The following RPS6KA5 variants were observed in gnomAD, a reference collection of about 807,000 sequenced individuals.
The protein encoded by RPS6KA5 is ribosomal protein S6 kinase A5.
Under a neutral mutation model 85.5 loss-of-function variants are expected in RPS6KA5, and 27 were observed. The observed-to-expected ratio is 0.32, with a 90% CI of 0.23 to 0.44. The LOEUF (loss-of-function observed/expected upper bound fraction) is 0.44. RPS6KA5 is among the 20% of genes least tolerant of loss of function. The pLI is 1.00. For synonymous variants in RPS6KA5, 334 were observed against 348.2 expected, an observed-to-expected ratio of 0.96 and a Z score of 0.46; for missense variants, 811 against 980.9, an observed-to-expected ratio of 0.83 and a Z score of 2.31.
At chr14:90,939,150 A>G (rs918840268) in intron 5 of RPS6KA5, among the ~76,000 whole-genome samples, 3 of 152,192 alleles carry the variant, frequency 2.0e-5, no homozygotes, top group African/African-American at 7.2e-5. Context: ...AGTTCCACAA[A>G]TCTCTAGGGC....
At chr14:91,053,963 C>G (rs1209024439) in intron 1 of RPS6KA5, among the ~76,000 whole-genome samples, 7 of 152,206 alleles carry the variant, frequency 4.6e-5, no homozygotes. Flanking sequence ...GTAGTCAAGA[C>G]AGCATGGTAC....
At chr14:90,906,101 T>C in intron 8 of RPS6KA5, 48 bp downstream of exon 8, 1 of 1,509,920 alleles carries the variant, frequency 6.6e-7, no homozygotes, top group Non-Finnish European at 9.0e-7. Context: ...CCAAGGACCC[T>C]GAAAACGGCA....
chr14:90,983,819 C>CTCTG (rs1214050810), intron 2 of RPS6KA5, among the ~76,000 whole-genome samples: 40 of 118,836 alleles, frequency 3.4e-4, no homozygotes, highest in Admixed American at 1.1e-3. Flanking sequence ...CTCTCTCTGT[C>CTCTG]TCTCTCTCTC....
rs144350073 is a variant in RPS6KA5, at chr14:91,057,657, A to G, written c.103+2675T>C. The stretch of plus-strand genomic sequence containing the variant: ...AGATAACAGCCAGGCAATGTGACAT[A>G]GGCTAAACACTAAATGAGTGATTTG... On this transcript the variant is annotated intron_variant, in intron 1 of 16. Transcript: ENST00000614987. 2.0e-5 allele frequency among the ~76,000 whole-genome samples: 3 copies of G among 152,356 alleles called. No homozygotes were observed. In the East Asian group the frequency reaches 5.8e-4, roughly 29 times the overall value.
chr14:90,999,529 A>T (rs150775349), intron 2 of RPS6KA5, among the ~76,000 whole-genome samples: 1 of 152,294 alleles, frequency 6.6e-6, no homozygotes, highest in Non-Finnish European at 1.5e-5. Context: ...GGGAAGAGTT[A>T]AAGGCCTCCT....
At chr14:90,947,572 C>T (rs1004018129) in intron 3 of RPS6KA5, 22 bp from the exon 4 acceptor site, 1 of 1,343,922 alleles carries the variant, frequency 7.4e-7, no homozygotes, top group Non-Finnish European at 1.1e-6. Flanking sequence ...ATACATTTTT[C>T]TTTCTTAAAC....
chr14:91,013,890 G>A (rs936412719), intron 1 of RPS6KA5, among the ~76,000 whole-genome samples: 9 of 152,176 alleles, frequency 5.9e-5, no homozygotes, highest in Non-Finnish European at 1.0e-4. Flanking sequence ...GGAGGAAGAC[G>A]TAAATTCCTC....
chr14:91,060,613 C>G lies in RPS6KA5; in HGVS notation c.-179G>C, dbSNP rs1352081094. 1 of 853,924 alleles carries G rather than the reference C, an allele frequency of 1.2e-6. No individual in the cohort carries two copies. Among genetic ancestry groups the G allele is most frequent in the Admixed American group, 4.4e-5 (1 of 22,654 alleles). The allele number at this position is 853,924 out of a possible 1,614,324, so 52.9% of individuals were successfully genotyped here. On this transcript the variant is annotated 5_prime_UTR_variant, in exon 1 of 17. Transcript: ENST00000614987. ...CCGCACGGCTCGCTCCTCGCCTCCTCCCCCTTCGGCGGGCACCGCTAGTAC... is the reference window on the plus strand; with the variant it reads ...CCGCACGGCTCGCTCCTCGCCTCCTGCCCCTTCGGCGGGCACCGCTAGTAC...
At chr14:91,037,115 T>C (rs1327700855) in intron 1 of RPS6KA5, among the ~76,000 whole-genome samples, 3 of 152,162 alleles carry the variant, frequency 2.0e-5, no homozygotes, top group Non-Finnish European at 4.4e-5. Flanking sequence ...AAAGAACTTA[T>C]CTTGAACTCA....
chr14:91,002,989 T>C (rs898609780), intron 1 of RPS6KA5, among the ~76,000 whole-genome samples: 1 of 152,192 alleles, frequency 6.6e-6, no homozygotes, highest in Non-Finnish European at 1.5e-5. Flanking sequence ...AAATAAACGA[T>C]GGCTTATCTT....
chr14:91,017,660 T>C (rs995514737), intron 1 of RPS6KA5, among the ~76,000 whole-genome samples: 7 of 152,206 alleles, frequency 4.6e-5, no homozygotes, highest in African/African-American at 1.2e-4. Flanking sequence ...CCAGAGTTAA[T>C]GGATTCAGGA....
At chr14:90,978,818 C>T (rs1286079) in intron 2 of RPS6KA5, among the ~76,000 whole-genome samples, 31,650 of 152,042 alleles carry the variant, frequency 0.21, 3,508 homozygotes, top group East Asian at 0.32. Flanking sequence ...GCTGTTATTA[C>T]GGTCAACTAA....
chr14:90,863,166 G>A lies in RPS6KA5; in HGVS notation c.*8908C>T, dbSNP rs1595080753. On this transcript the variant is annotated 3_prime_UTR_variant, in exon 17 of 17. Coordinates refer to ENST00000614987, the MANE Select transcript of RPS6KA5 (RefSeq NM_004755.4). Reference sequence around the variant, plus strand: ...AATAATACAAAAATTAGCTGAGGGTGGTGGTGCATGCCTGTGGTCCCAGCC... The same window carrying A: ...AATAATACAAAAATTAGCTGAGGGTAGTGGTGCATGCCTGTGGTCCCAGCC... The A allele has an allele frequency of 1.3e-5, 2 of 151,802 alleles. No individual in the cohort carries two copies. The highest frequency in any genetic ancestry group is 3.9e-4 in the East Asian group (2 of 5,170). 9.4% of individuals were successfully genotyped at this position (151,802 alleles called of 1,614,324 possible). A position where few individuals can be genotyped will look rare whatever the true frequency, so the allele number is the denominator to read the frequency against.
intron 5 of RPS6KA5, among the ~76,000 whole-genome samples, chr14:90,941,181 T>C (rs1245844191): frequency 1.3e-5 from 2 of 152,214 alleles, no homozygotes; most frequent in African/African-American, 2.4e-5. Context: ...GATAGCATTA[T>C]AGAGGAAATT....
intron 4 of RPS6KA5, among the ~76,000 whole-genome samples, chr14:90,944,247 T>C (rs908186190): frequency 6.6e-6 from 1 of 152,234 alleles, no homozygotes; most frequent in Non-Finnish European, 1.5e-5. Context: ...AACTTAGAAA[T>C]ATTGTTTTCC....
At chr14:90,900,457 C>T (rs1226870305) in intron 10 of RPS6KA5, among the ~76,000 whole-genome samples, 154 bp downstream of exon 10, 9 of 152,102 alleles carry the variant, frequency 5.9e-5, no homozygotes, top group African/African-American at 1.9e-4. Context: ...GTTCATTCAA[C>T]TTGACGTTAA....
chr14:90,920,377 G>A, intron 6 of RPS6KA5, 68 bp from the exon 7 acceptor site: 1 of 1,081,736 alleles, frequency 9.2e-7, no homozygotes, highest in South Asian at 1.4e-5. Flanking sequence ...AAGAAAAAAT[G>A]AATAAAAGCT....
intron 12 of RPS6KA5, among the ~76,000 whole-genome samples, chr14:90,898,156 T>A (rs1166465045): frequency 1.3e-5 from 2 of 152,212 alleles, no homozygotes; most frequent in Non-Finnish European, 2.9e-5. Flanking sequence ...GAAGTTGGAC[T>A]GTGTGGATTC....
chr14:90,881,199 C>T (rs1023071768), intron 14 of RPS6KA5, among the ~76,000 whole-genome samples: 1 of 151,560 alleles, frequency 6.6e-6, no homozygotes, highest in African/African-American at 2.4e-5. Context: ...GCCTGTAATC[C>T]CAGCACTTTG....
Sources: allele counts gnomAD v4.1 joint callset (sites outside exome capture counted in the v4.1 genomes callset), GRCh38; gene constraint gnomAD v4.1.1; transcripts MANE v1.5; gene names NCBI Gene and HGNC (gene_info 2026-07-23, HGNC 2026-07-21).